Variants in NARF observed in about 807,000 individuals in gnomAD.
NARF encodes the protein nuclear prelamin A recognition factor, also known as iron-only hydrogenase-like protein 2.
In NARF, 41 loss-of-function variants were observed where a neutral mutation model predicts 48.0. That is an observed-to-expected ratio of 0.85 (90% CI 0.66 to 1.11). The LOEUF is 1.11. Ranked by LOEUF, NARF falls within the 50% of genes least tolerant of loss-of-function variation. The probability of loss-of-function intolerance (pLI) is 0.00; values close to 1 mark genes in which losing one functional copy is unlikely to be tolerated. For missense variants in NARF, 613 were observed against 590.2 expected (o/e 1.04, Z -0.40); for synonymous variants, 215 against 225.5 (o/e 0.95, Z 0.42).
intron 3 of NARF, among the ~76,000 whole-genome samples, chr17:82,465,457 G>A (rs1432705237): frequency 2.0e-5 from 3 of 152,148 alleles, no homozygotes; most frequent in African/African-American, 7.2e-5. Context: ...AGCAAGGTAG[G>A]GGCCTCAAGA....
At chr17:82,481,712 A>C in intron 7 of NARF, 1 of 417,016 alleles carries the variant, frequency 2.4e-6, no homozygotes, top group Non-Finnish European at 4.7e-6. Flanking sequence ...CCTGGGCAAC[A>C]AGAGTAAAAC....
intron 5 of NARF, 150 bp downstream of exon 5, chr17:82,472,848 G>A (rs1416848435): frequency 1.0e-6 from 1 of 984,942 alleles, no homozygotes; most frequent in African/African-American, 1.7e-5. Flanking sequence ...ATTCACAGAG[G>A]GTGTTTGATG....
intron 5 of NARF, among the ~76,000 whole-genome samples, chr17:82,474,788 A>G (rs957163824): frequency 6.6e-6 from 1 of 152,182 alleles, no homozygotes; most frequent in African/African-American, 2.4e-5. Context: ...CATGGGCTGC[A>G]TTGGTTGGCT....
At chr17:82,477,880 C>T (rs1182721410) in intron 5 of NARF, 3 of 152,204 alleles carry the variant, frequency 2.0e-5, no homozygotes, top group Non-Finnish European at 4.4e-5. Context: ...ACACGGGCGT[C>T]TTTATAGGTG....
At chr17:82,469,677 C>T (rs748170608) in intron 4 of NARF, among the ~76,000 whole-genome samples, 1 of 152,124 alleles carries the variant, frequency 6.6e-6, no homozygotes, top group Non-Finnish European at 1.5e-5. Flanking sequence ...GCGATCTTGG[C>T]TCACTGCAAC....
At chr17:82,479,336 T>C in intron 6 of NARF, 1 of 168,248 alleles carries the variant, frequency 5.9e-6, no homozygotes. Context: ...AAACCTGGCC[T>C]CTGCCCTGGC....
intron 3 of NARF, among the ~76,000 whole-genome samples, chr17:82,467,365 A>G (rs2143851037): frequency 6.6e-6 from 1 of 152,000 alleles, no homozygotes; most frequent in South Asian, 2.1e-4. Flanking sequence ...TTATATCTGA[A>G]CCTGTCTTCT....
chr17:82,464,816 C>T (rs2043524885), intron 3 of NARF, among the ~76,000 whole-genome samples: 1 of 152,160 alleles, frequency 6.6e-6, no homozygotes, highest in Admixed American at 6.5e-5. Context: ...TTCTAATAGA[C>T]CGATCAGCTT....
At chr17:82,481,706 G>A (rs141541284) in intron 7 of NARF, 131 of 411,802 alleles carry the variant, frequency 3.2e-4, no homozygotes, top group African/African-American at 1.7e-3. Context: ...CTCCAGCCTG[G>A]GCAACAAGAG....
chr17:82,478,618 C>T (rs1248931978), intron 5 of NARF, 182 bp from the exon 6 acceptor site: 1 of 686,102 alleles, frequency 1.5e-6, no homozygotes, highest in Non-Finnish European at 2.6e-6. Context: ...GTTCCCATGA[C>T]CCACAGCCGG....
rs1441340216 is a variant in NARF at position 82,489,515 on chromosome 17, G to A, written c.*1358G>A. On this transcript the variant is annotated 3_prime_UTR_variant, in exon 11 of 11. Coordinates refer to ENST00000309794, the MANE Select transcript of NARF (RefSeq NM_012336.4). ...TCGTGGGGTGGGAGTCGGGGGTAAA[G>A]GTTCCGTCTGACCCTGAGGGGTTGA... The A allele has an allele frequency of 1.3e-5, 2 of 152,350 alleles. No homozygotes were observed. Among genetic ancestry groups the A allele is most frequent in the Non-Finnish European group, 2.9e-5 (2 of 68,118 alleles). 9.4% of individuals were successfully genotyped at this position (152,350 alleles called of 1,614,324 possible).
At chr17:82,473,557 TAGTC>T (rs2043765947) in intron 5 of NARF, among the ~76,000 whole-genome samples, 2 of 150,856 alleles carry the variant, frequency 1.3e-5, no homozygotes, top group Admixed American at 1.3e-4. Context: ...TTCACCGTGT[TAGTC>T]AGGATGGTCT....
chr17:82,480,541 C>T (rs1160090693), intron 6 of NARF: 2 of 404,668 alleles, frequency 4.9e-6, no homozygotes, highest in African/African-American at 2.1e-5. Context: ...AGTGCTGGTG[C>T]TCGGTAGAGT....
rs562710664 is a variant in NARF, at chr17:82,470,912, C to T, written c.386-1652C>T. ...GTGTGGTGGCTCATGTCTGTAATCC[C>T]AGCACTTTGGGAGGCCGAGGGGGCA... is the stretch of plus-strand genomic sequence containing the variant. On this transcript the variant is annotated intron_variant, in intron 4 of 10. Transcript: ENST00000309794. Among the ~76,000 whole-genome samples the T allele has an allele frequency of 4.2e-4, 64 of 152,182 alleles. No individual in the cohort carries two copies. In the Middle Eastern group the frequency reaches 0.01, roughly 24 times the overall value.
chr17:82,462,265 G>C (rs552178078), intron 2 of NARF, among the ~76,000 whole-genome samples: 34 of 151,588 alleles, frequency 2.2e-4, no homozygotes, highest in Non-Finnish European at 8.8e-5. Context: ...GTGTAGGGAA[G>C]GGCACTGGCA....
chr17:82,478,760 A>C, intron 5 of NARF, 40 bp from the exon 6 acceptor site: 1 of 1,574,776 alleles, frequency 6.4e-7, no homozygotes, highest in Non-Finnish European at 8.7e-7. Flanking sequence ...AGACCAGAGG[A>C]AGCAGTAAGG....
chr17:82,474,912 A>C (rs2043799886), intron 5 of NARF, among the ~76,000 whole-genome samples: 1 of 152,132 alleles, frequency 6.6e-6, no homozygotes, highest in Admixed American at 6.6e-5. Context: ...CCTTACTGTA[A>C]GTGATTCACA....
chr17:82,487,211 C>T (rs1282380749), intron 10 of NARF, among the ~76,000 whole-genome samples: 8 of 150,042 alleles, frequency 5.3e-5, no homozygotes, highest in East Asian at 2.0e-4. Flanking sequence ...GGTCCAGGCA[C>T]GGTGGCTCAC....
chr17:82,482,268 G>A (rs778408462), intron 7 of NARF: 5 of 430,690 alleles, frequency 1.2e-5, no homozygotes, highest in Non-Finnish European at 2.3e-5. Flanking sequence ...GCACGCAGAC[G>A]CCTCTGGAAA....
Sources: allele counts gnomAD v4.1 joint callset (sites outside exome capture counted in the v4.1 genomes callset), GRCh38; gene constraint gnomAD v4.1.1; transcripts MANE v1.5; gene names NCBI Gene and HGNC (gene_info 2026-07-23, HGNC 2026-07-21).